SNTG1: variants seen among roughly 807,000 people sequenced by gnomAD.
SNTG1 encodes the protein gamma-1-syntrophin.
In SNTG1, 39 loss-of-function variants were observed where a neutral mutation model predicts 74.7. The ratio of observed to expected loss-of-function variants is 0.52; its 90% CI spans 0.40 to 0.68. The LOEUF (loss-of-function observed/expected upper bound fraction) is 0.68. Among genes scored for constraint, SNTG1 ranks in the 30% least tolerant of loss-of-function variants. The probability of loss-of-function intolerance (pLI) is 0.00; values close to 1 mark genes in which losing one functional copy is unlikely to be tolerated. For synonymous variants in SNTG1, 254 were observed against 217.1 expected (o/e 1.17, Z -1.49); for missense variants, 685 against 609.5 (o/e 1.12, Z -1.30).
intron 2 of SNTG1, among the ~76,000 whole-genome samples, chr8:50,284,772 G>GTA (rs1432533454): frequency 6.6e-6 from 1 of 151,978 alleles, no homozygotes; most frequent in African/African-American, 2.4e-5. Context: ...TACACTAAAA[G>GTA]ATGGTAAAGA....
chr8:50,420,337 C>G (rs765749519), intron 4 of SNTG1, among the ~76,000 whole-genome samples: 1 of 151,898 alleles, frequency 6.6e-6, no homozygotes, highest in Admixed American at 6.6e-5. Flanking sequence ...TAGTTTTCAC[C>G]AGAAACAATG....
intron 12 of SNTG1, among the ~76,000 whole-genome samples, chr8:50,566,235 C>T (rs2094516200): frequency 6.6e-6 from 1 of 151,980 alleles, no homozygotes; most frequent in South Asian, 2.1e-4. Context: ...CCAACAAATA[C>T]ACTCCTCAAA....
intron 2 of SNTG1, among the ~76,000 whole-genome samples, chr8:50,374,927 C>G (rs1164592708): frequency 6.6e-6 from 1 of 152,140 alleles, no homozygotes; most frequent in African/African-American, 2.4e-5. Flanking sequence ...AAGAAAGTCA[C>G]AAACTCACTA....
chr8:50,056,664 CCT>C (rs1329365350), intron 1 of SNTG1, among the ~76,000 whole-genome samples: 1 of 152,174 alleles, frequency 6.6e-6, no homozygotes, highest in Non-Finnish European at 1.5e-5. Context: ...ACATTTCCTT[CCT>C]GTGGTGCCGT....
At chr8:50,070,967 T>C (rs778255887) in intron 1 of SNTG1, among the ~76,000 whole-genome samples, 48 of 152,198 alleles carry the variant, frequency 3.2e-4, no homozygotes, top group Non-Finnish European at 5.7e-4. Context: ...TGCATGGTTG[T>C]TATTCTTACC....
intron 2 of SNTG1, among the ~76,000 whole-genome samples, chr8:50,323,949 G>T (rs560415351): frequency 6.6e-6 from 1 of 152,326 alleles, no homozygotes; most frequent in East Asian, 1.9e-4. Flanking sequence ...AAAGGCACAA[G>T]TCTTCCCTTA....
Position 50,402,200 on chromosome 8 carries a change from T to C in SNTG1, c.28-10T>C. 6.3e-7 allele frequency: 1 copy of C among 1,581,102 alleles called. No individual in the cohort carries two copies. The highest frequency in any genetic ancestry group is 1.2e-5 in the South Asian group (1 of 85,088). On this transcript the variant is annotated splice_polypyrimidine_tract_variant and intron_variant, in intron 3 of 18. Coordinates refer to ENST00000642720, the MANE Select transcript of SNTG1 (RefSeq NM_018967.5). The stretch of plus-strand genomic sequence containing the variant: ...TTTTTCCTCTGTTTGTTTTTTTTTT[T>C]AATCTGAAGACAAAGACAGGAATTT...
chr8:50,783,914 TG>T (rs1456984201), intron 18 of SNTG1, among the ~76,000 whole-genome samples: 3 of 152,242 alleles, frequency 2.0e-5, no homozygotes, highest in African/African-American at 7.2e-5. Flanking sequence ...TACACATTTT[TG>T]TTATTTAGTT....
intron 1 of SNTG1, among the ~76,000 whole-genome samples, chr8:49,920,801 T>C (rs1340233585): frequency 3.3e-5 from 5 of 152,106 alleles, no homozygotes; most frequent in Non-Finnish European, 7.4e-5. Flanking sequence ...AGACTTGAGA[T>C]GATGAGAGCT....
At chr8:49,994,758 C>A (rs569774820) in intron 1 of SNTG1, among the ~76,000 whole-genome samples, 1 of 151,468 alleles carries the variant, frequency 6.6e-6, no homozygotes, top group Non-Finnish European at 1.5e-5. Flanking sequence ...TGAAAGATGA[C>A]AATGTTTTAT....
chr8:50,076,535 G>A (rs981182441), intron 1 of SNTG1, among the ~76,000 whole-genome samples: 2 of 151,976 alleles, frequency 1.3e-5, no homozygotes, highest in African/African-American at 2.4e-5. Context: ...AAACTGCTTA[G>A]GATAAATACA....
chr8:50,584,512 C>CTTTT (rs34546157), intron 12 of SNTG1, among the ~76,000 whole-genome samples: 16 of 126,780 alleles, frequency 1.3e-4, no homozygotes, highest in African/African-American at 3.0e-4. Flanking sequence ...TTCTCTGATT[C>CTTTT]TTTTTTTTTT....
intron 17 of SNTG1, among the ~76,000 whole-genome samples, chr8:50,725,185 G>A (rs2095497079): frequency 1.3e-5 from 2 of 152,094 alleles, no homozygotes; most frequent in Admixed American, 1.3e-4. Flanking sequence ...TTTGGGCGAC[G>A]TTTTGTTTTT....
At chr8:50,172,098 C>G (rs932695632) in intron 1 of SNTG1, among the ~76,000 whole-genome samples, 1 of 152,160 alleles carries the variant, frequency 6.6e-6, no homozygotes, top group Non-Finnish European at 1.5e-5. Context: ...GCCTGCCCCC[C>G]ACCACCATAA....
chr8:50,579,675 G>A (rs930435895), intron 12 of SNTG1, among the ~76,000 whole-genome samples: 12 of 152,170 alleles, frequency 7.9e-5, no homozygotes, highest in South Asian at 2.1e-4. Context: ...GGGCCAATGC[G>A]CAGTTCAGGC....
At chr8:50,682,979 A>G (rs1048736343) in intron 15 of SNTG1, among the ~76,000 whole-genome samples, 1 of 152,242 alleles carries the variant, frequency 6.6e-6, no homozygotes, top group Non-Finnish European at 1.5e-5. Context: ...CCCAAAGGAT[A>G]GTACTCCCTA....
intron 2 of SNTG1, among the ~76,000 whole-genome samples, chr8:50,174,713 A>AT (rs879694153): frequency 1.3e-5 from 2 of 152,068 alleles, no homozygotes; most frequent in Admixed American, 1.3e-4. Context: ...CATTTTTTAA[A>AT]TTTTTTTATT....
intron 1 of SNTG1, among the ~76,000 whole-genome samples, chr8:49,967,175 A>G (rs1811218833): frequency 6.6e-6 from 1 of 152,202 alleles, no homozygotes; most frequent in Non-Finnish European, 1.5e-5. Flanking sequence ...TTCACAAATG[A>G]AAAAACAGAT....
At chr8:49,936,898 C>T (rs1020798974) in intron 1 of SNTG1, among the ~76,000 whole-genome samples, 1 of 152,180 alleles carries the variant, frequency 6.6e-6, no homozygotes, top group African/African-American at 2.4e-5. Context: ...TCTGTAATCC[C>T]AGCACTTTGG....
Sources: gnomAD v4.1 joint callset for allele counts (sites outside exome capture counted in the v4.1 genomes callset) on GRCh38, gnomAD v4.1.1 for gene constraint, MANE v1.5 for transcripts, NCBI Gene and HGNC (gene_info 2026-07-23, HGNC 2026-07-21) for gene names.